The following CNTNAP2 variants were observed in gnomAD, a reference collection of about 807,000 sequenced individuals.
CNTNAP2 encodes contactin associated protein 2.
Under a neutral mutation model 155.2 loss-of-function variants are expected in CNTNAP2, and 98 were observed. The observed-to-expected ratio is 0.63, with a 90% CI of 0.54 to 0.75. CNTNAP2 has a LOEUF of 0.75. Among genes scored for constraint, CNTNAP2 ranks in the 30% least tolerant of loss-of-function variants. The pLI is 0.00. For synonymous variants in CNTNAP2, 651 were observed against 631.2 expected, an observed-to-expected ratio of 1.03 and a Z score of -0.47; for missense variants, 1,727 against 1,688.1, an observed-to-expected ratio of 1.02 and a Z score of -0.40.
intron 3 of CNTNAP2, among the ~76,000 whole-genome samples, chr7:147,029,162 A>G (rs1798980050): frequency 6.6e-6 from 1 of 151,472 alleles, no homozygotes. Context: ...ACGGGATTTC[A>G]CCATGTTAGC....
intron 8 of CNTNAP2, among the ~76,000 whole-genome samples, chr7:147,226,513 A>G (rs1404472348): frequency 3.3e-5 from 5 of 149,606 alleles, no homozygotes; most frequent in Non-Finnish European, 7.4e-5. Context: ...AATGAGGAGC[A>G]TTGGGAGCCA....
chr7:147,982,388 A>G (rs1801546248), intron 15 of CNTNAP2, among the ~76,000 whole-genome samples: 1 of 152,218 alleles, frequency 6.6e-6, no homozygotes, highest in Non-Finnish European at 1.5e-5. Context: ...TTCCAAGGCC[A>G]TGCCAGAAAC....
At chr7:146,332,999 A>G (rs972621404) in intron 1 of CNTNAP2, among the ~76,000 whole-genome samples, 2 of 131,976 alleles carry the variant, frequency 1.5e-5, no homozygotes, top group Non-Finnish European at 3.1e-5. Flanking sequence ...ATTGGAATGC[A>G]GTGGTGCGAT....
intron 3 of CNTNAP2, among the ~76,000 whole-genome samples, 177 bp downstream of exon 3, chr7:146,840,081 G>T (rs1410066839): frequency 6.6e-6 from 1 of 152,108 alleles, no homozygotes; most frequent in Non-Finnish European, 1.5e-5. Flanking sequence ...TCTATCCAAT[G>T]GTTAAAGCAA....
intron 9 of CNTNAP2, among the ~76,000 whole-genome samples, chr7:147,335,138 A>C (rs1341765165): frequency 1.3e-5 from 2 of 152,146 alleles, no homozygotes; most frequent in African/African-American, 4.8e-5. Flanking sequence ...GGCAGCATGC[A>C]TTTTAGTGAA....
intron 13 of CNTNAP2, among the ~76,000 whole-genome samples, chr7:147,809,047 A>G (rs1251425387): frequency 7.1e-6 from 1 of 141,180 alleles, no homozygotes; most frequent in Non-Finnish European, 1.6e-5. Context: ...CCAGGAAGGA[A>G]AAAAAAAATG....
At chr7:147,646,568 C>A (rs1795366869) in intron 13 of CNTNAP2, among the ~76,000 whole-genome samples, 1 of 150,752 alleles carries the variant, frequency 6.6e-6, no homozygotes, top group African/African-American at 2.4e-5. Context: ...CAAGACTGAC[C>A]TATCTCAATT....
chr7:147,587,854 A>G (rs1235319034), intron 12 of CNTNAP2, among the ~76,000 whole-genome samples: 1 of 152,136 alleles, frequency 6.6e-6, no homozygotes, highest in Non-Finnish European at 1.5e-5. Flanking sequence ...TAGCATTGTT[A>G]GGGGAGAAAA....
rs539726914 is a variant in CNTNAP2, at chr7:146,919,672, CAGG to C, written c.402+79772_402+79774del. On this transcript the variant is annotated intron_variant, in intron 3 of 23. Transcript: ENST00000361727. ...GGTTTTGCTTTTGCTCGCCTCCAGC[CAGG>C]AGGTGGCACGTTCAAGAGCACATCA... Among the ~76,000 whole-genome samples, 150 of 152,270 alleles carry C rather than the reference CAGG, an allele frequency of 9.9e-4. 1 individual carries two copies. Among genetic ancestry groups the C allele is most frequent in the African/African-American group, 3.3e-3 (139 of 41,552 alleles).
At chr7:146,761,284 TGGAAGGAAGGAAGGAAGGAA>T (rs369635102) in intron 1 of CNTNAP2, among the ~76,000 whole-genome samples, 11,350 of 144,614 alleles carry the variant, frequency 0.078, 756 homozygotes, top group African/African-American at 0.19. Flanking sequence ...TCATAATTGC[TGGAAGGAAGGAAGGAAGGAA>T]GGAAGGAAGG....
chr7:146,296,380 G>A (rs1470416641), intron 1 of CNTNAP2, among the ~76,000 whole-genome samples: 5 of 152,060 alleles, frequency 3.3e-5, no homozygotes, highest in African/African-American at 1.2e-4. Flanking sequence ...GTTTTCTCCT[G>A]TCTCCTCCTT....
At chr7:148,316,077 A>G (rs1162281416) in intron 21 of CNTNAP2, among the ~76,000 whole-genome samples, 2 of 152,054 alleles carry the variant, frequency 1.3e-5, no homozygotes, top group African/African-American at 2.4e-5. Flanking sequence ...AGATAGAGGG[A>G]AAAAAAATAG....
chr7:147,713,080 T>G (rs1435231678), intron 13 of CNTNAP2, among the ~76,000 whole-genome samples: 1 of 152,128 alleles, frequency 6.6e-6, no homozygotes, highest in Non-Finnish European at 1.5e-5. Flanking sequence ...CTCTAATCTG[T>G]GTATTTTAAT....
chr7:146,708,741 G>A (rs1351038213), intron 1 of CNTNAP2, among the ~76,000 whole-genome samples: 4 of 151,314 alleles, frequency 2.6e-5, no homozygotes, highest in African/African-American at 9.7e-5. Flanking sequence ...AACTACAAGT[G>A]TGCACCACCA....
chr7:147,264,170 A>G (rs1356727450), intron 8 of CNTNAP2, among the ~76,000 whole-genome samples: 2 of 152,186 alleles, frequency 1.3e-5, no homozygotes, highest in East Asian at 3.9e-4. Context: ...AAGTGAACGC[A>G]TGAAAAATGA....
intron 3 of CNTNAP2, among the ~76,000 whole-genome samples, chr7:146,913,380 A>G (rs754857354): frequency 3.9e-5 from 6 of 152,118 alleles, no homozygotes; most frequent in Non-Finnish European, 8.8e-5. Context: ...AAGGTGAAAA[A>G]GTTTGATGAA....
chr7:146,289,911 C>T (rs893924503), intron 1 of CNTNAP2, among the ~76,000 whole-genome samples: 6 of 151,954 alleles, frequency 3.9e-5, no homozygotes, highest in East Asian at 1.9e-4. Flanking sequence ...TGGCAATAAA[C>T]GGAGCTAATA....
intron 9 of CNTNAP2, among the ~76,000 whole-genome samples, chr7:147,342,284 T>C (rs1049069834): frequency 1.3e-5 from 2 of 152,184 alleles, no homozygotes; most frequent in East Asian, 1.9e-4. Context: ...TGCTAACTTA[T>C]AAGGCTTCTA....
chr7:148,106,713 C>A (rs914380047), intron 15 of CNTNAP2, among the ~76,000 whole-genome samples: 8 of 151,838 alleles, frequency 5.3e-5, no homozygotes, highest in Admixed American at 1.3e-4. Flanking sequence ...GTTTTACAAC[C>A]TCTACATGCA....
Sources: gnomAD v4.1 joint callset for allele counts (sites outside exome capture counted in the v4.1 genomes callset) on GRCh38, gnomAD v4.1.1 for gene constraint, MANE v1.5 for transcripts, NCBI Gene and HGNC (gene_info 2026-07-23, HGNC 2026-07-21) for gene names.